Variants in KCNMB2 observed in about 807,000 individuals in gnomAD.
KCNMB2 encodes the protein potassium calcium-activated channel subfamily M regulatory beta subunit 2, also known as calcium-activated potassium channel subunit beta-2.
In KCNMB2, 9 loss-of-function variants were observed where a neutral mutation model predicts 24.5. That is an observed-to-expected ratio of 0.37 (90% CI 0.22 to 0.64). The LOEUF (loss-of-function observed/expected upper bound fraction) is 0.64. Ranked by LOEUF, KCNMB2 falls within the 30% of genes least tolerant of loss-of-function variation. KCNMB2 has a pLI of 0.63. For missense variants in KCNMB2, 226 were observed against 284.3 expected (o/e 0.79, Z 1.47); for synonymous variants, 109 against 104.4 (o/e 1.04, Z -0.27).
intron 1 of KCNMB2, among the ~76,000 whole-genome samples, chr3:178,561,275 G>C (rs982701455): frequency 6.6e-6 from 1 of 152,116 alleles, no homozygotes; most frequent in Admixed American, 6.5e-5. Flanking sequence ...CAGTTTAACA[G>C]GATAATGCAA....
At chr3:178,645,674 C>T (rs1388023685) in intron 1 of KCNMB2, among the ~76,000 whole-genome samples, 2 of 152,208 alleles carry the variant, frequency 1.3e-5, no homozygotes, top group Middle Eastern at 3.4e-3. Flanking sequence ...GTGGCACTTC[C>T]GTTCTGCCAA....
In KCNMB2 at chr3:178,562,440, G is replaced by A. The variant is rs192188303; in HGVS notation, c.-68+25729G>A. Among the ~76,000 whole-genome samples, 327 of 152,244 alleles carry A rather than the reference G, an allele frequency of 2.1e-3. 3 individuals carry two copies. Among genetic ancestry groups the A allele is most frequent in the South Asian group, 0.01 (49 of 4,822 alleles). ...GGAACCATTACAGCTAAGTGGTAGC[G>A]GTGAAAAAGCAGATAAGAAAGTAGA... On this transcript the variant is annotated intron_variant, in intron 1 of 4. Coordinates refer to ENST00000452583, the MANE Select transcript of KCNMB2 (RefSeq NM_181361.3).
intron 1 of KCNMB2, among the ~76,000 whole-genome samples, chr3:178,626,173 A>G (rs924395090): frequency 2.0e-4 from 31 of 152,216 alleles, no homozygotes; most frequent in Non-Finnish European, 4.6e-4. Flanking sequence ...GTAGTATAAG[A>G]GATCTTGCAA....
intron 1 of KCNMB2, among the ~76,000 whole-genome samples, chr3:178,615,216 C>A (rs371984554): frequency 1.3e-5 from 2 of 152,202 alleles, no homozygotes; most frequent in South Asian, 2.1e-4. Flanking sequence ...TGCACTGGAT[C>A]AGATCTGAAA....
At chr3:178,773,469 C>T (rs1215783401) in intron 1 of KCNMB2, among the ~76,000 whole-genome samples, 1 of 152,024 alleles carries the variant, frequency 6.6e-6, no homozygotes, top group South Asian at 2.1e-4. Flanking sequence ...ATAGGCTTTA[C>T]CCTATTTGTT....
intron 1 of KCNMB2, among the ~76,000 whole-genome samples, chr3:178,630,691 C>T (rs1408436864): frequency 3.3e-5 from 5 of 152,192 alleles, no homozygotes; most frequent in African/African-American, 1.2e-4. Flanking sequence ...TTCCCTCCTC[C>T]CTTCTCCTTT....
intron 1 of KCNMB2, among the ~76,000 whole-genome samples, chr3:178,606,833 G>C (rs1420542459): frequency 6.6e-6 from 1 of 152,146 alleles, no homozygotes; most frequent in Non-Finnish European, 1.5e-5. Flanking sequence ...AATGGGATTT[G>C]AGCTATAGAG....
chr3:178,657,246 TC>T (rs1405552349), intron 1 of KCNMB2, among the ~76,000 whole-genome samples: 15 of 152,336 alleles, frequency 9.8e-5, no homozygotes, highest in African/African-American at 3.6e-4. Flanking sequence ...TGAGTTCATT[TC>T]TTCAGGCTGC....
chr3:178,728,725 A>G (rs952835035), intron 1 of KCNMB2, among the ~76,000 whole-genome samples: 25 of 152,102 alleles, frequency 1.6e-4, no homozygotes, highest in Admixed American at 1.3e-3. Flanking sequence ...AGTTACAATT[A>G]TGCTTCTTCA....
At chr3:178,714,847 G>A (rs572062055) in intron 1 of KCNMB2, among the ~76,000 whole-genome samples, 9 of 152,144 alleles carry the variant, frequency 5.9e-5, no homozygotes, top group African/African-American at 1.9e-4. Flanking sequence ...GATTGAACAT[G>A]GAAATCACGG....
intron 1 of KCNMB2, among the ~76,000 whole-genome samples, chr3:178,557,457 T>C (rs1159731890): frequency 6.6e-6 from 1 of 152,128 alleles, no homozygotes; most frequent in African/African-American, 2.4e-5. Flanking sequence ...ATGCTTACAT[T>C]GAGGGTGCAA....
intron 1 of KCNMB2, among the ~76,000 whole-genome samples, chr3:178,538,588 G>A (rs887197024): frequency 2.0e-5 from 3 of 152,106 alleles, no homozygotes; most frequent in East Asian, 1.9e-4. Context: ...GAGGCAATTC[G>A]TGCCTTGAAA....
intron 1 of KCNMB2, among the ~76,000 whole-genome samples, chr3:178,577,080 CA>C (rs1213156115): frequency 1.3e-5 from 2 of 152,140 alleles, no homozygotes; most frequent in Non-Finnish European, 2.9e-5. Context: ...ACACCTCCCA[CA>C]AATGAGGTGT....
chr3:178,809,129 T>C (rs1187622012), intron 2 of KCNMB2, among the ~76,000 whole-genome samples: 1 of 152,222 alleles, frequency 6.6e-6, no homozygotes, highest in Non-Finnish European at 1.5e-5. Context: ...AAATTTCATA[T>C]GTCATTTCAA....
intron 1 of KCNMB2, among the ~76,000 whole-genome samples, chr3:178,757,302 A>AAG (rs1227958542): frequency 9.5e-6 from 1 of 104,914 alleles, no homozygotes; most frequent in African/African-American, 3.7e-5. Context: ...ATATATATAT[A>AAG]TATATCCATC....
chr3:178,811,892 T>C (rs1316756912), intron 2 of KCNMB2, among the ~76,000 whole-genome samples: 2 of 152,244 alleles, frequency 1.3e-5, no homozygotes, highest in Non-Finnish European at 2.9e-5. Context: ...ATTTTAATTT[T>C]CATTTCTCAG....
intron 1 of KCNMB2, among the ~76,000 whole-genome samples, chr3:178,584,984 T>C (rs1168332781): frequency 6.6e-6 from 1 of 152,186 alleles, no homozygotes; most frequent in African/African-American, 2.4e-5. Flanking sequence ...CAATGTTCTT[T>C]CTTGTAAGGA....
intron 1 of KCNMB2, among the ~76,000 whole-genome samples, chr3:178,802,522 T>C (rs558130797): frequency 6.6e-6 from 1 of 152,214 alleles, no homozygotes; most frequent in Non-Finnish European, 1.5e-5. Flanking sequence ...TAGAAGCTTC[T>C]AGAAACAGAA....
intron 1 of KCNMB2, among the ~76,000 whole-genome samples, chr3:178,643,624 C>T (rs1719805008): frequency 6.6e-6 from 1 of 152,170 alleles, no homozygotes; most frequent in Non-Finnish European, 1.5e-5. Context: ...GATAAGTTCA[C>T]TGCTCTCCAG....
Sources: gnomAD v4.1 joint callset for allele counts (sites outside exome capture counted in the v4.1 genomes callset) on GRCh38, gnomAD v4.1.1 for gene constraint, MANE v1.5 for transcripts, NCBI Gene and HGNC (gene_info 2026-07-23, HGNC 2026-07-21) for gene names.